The following PRIMA1 variants were observed in gnomAD, a reference collection of about 807,000 sequenced individuals.
The protein encoded by PRIMA1 is proline rich membrane anchor 1.
A neutral mutation model predicts 17.5 loss-of-function variants in PRIMA1; 7 were observed. The ratio of observed to expected loss-of-function variants is 0.40; its 90% confidence interval spans 0.23 to 0.75. The LOEUF is 0.75. PRIMA1 is among the 30% of genes least tolerant of loss of function. The pLI, the probability that PRIMA1 is intolerant of heterozygous loss-of-function variation, is 0.37. For missense variants in PRIMA1, 200 were observed against 201.8 expected, an observed-to-expected ratio of 0.99 and a Z score of 0.05; for synonymous variants, 97 against 77.9, an observed-to-expected ratio of 1.25 and a Z score of -1.29.
intron 3 of PRIMA1, among the ~76,000 whole-genome samples, chr14:93,749,261 C>T (rs530401423): frequency 1.3e-5 from 2 of 152,300 alleles, no homozygotes; most frequent in African/African-American, 4.8e-5. Flanking sequence ...TGAGAAGCAA[C>T]GAGAGGGGGC....
chr14:93,746,407 C>CGGCAGGG (rs910240853), intron 3 of PRIMA1, among the ~76,000 whole-genome samples: 1 of 151,972 alleles, frequency 6.6e-6, no homozygotes, highest in African/African-American at 2.4e-5. Flanking sequence ...GACTGGAATT[C>CGGCAGGG]GGCAGGGAGT....
intron 3 of PRIMA1, among the ~76,000 whole-genome samples, chr14:93,769,268 G>A (rs1380622180): frequency 6.6e-6 from 1 of 152,190 alleles, no homozygotes; most frequent in Non-Finnish European, 1.5e-5. Context: ...TCCAGGGCTG[G>A]GCCAGGACCT....
At chr14:93,758,305 G>A (rs1358180146) in intron 3 of PRIMA1, among the ~76,000 whole-genome samples, 1 of 152,128 alleles carries the variant, frequency 6.6e-6, no homozygotes, top group East Asian at 1.9e-4. Context: ...TTGACATTTG[G>A]CTGGGTGTGG....
intron 3 of PRIMA1, among the ~76,000 whole-genome samples, chr14:93,748,756 G>A (rs1213588093): frequency 6.6e-6 from 1 of 152,124 alleles, no homozygotes. Context: ...CAGATTGGCT[G>A]CTTATCATCA....
At chr14:93,746,887 G>A (rs2076221856) in intron 3 of PRIMA1, among the ~76,000 whole-genome samples, 1 of 152,156 alleles carries the variant, frequency 6.6e-6, no homozygotes, top group South Asian at 2.1e-4. Context: ...GTGGGAGGAG[G>A]AAGCTGTCAC....
intron 3 of PRIMA1, among the ~76,000 whole-genome samples, chr14:93,753,336 C>T (rs1316888888): frequency 1.3e-5 from 2 of 152,202 alleles, no homozygotes; most frequent in Non-Finnish European, 2.9e-5. Context: ...ATTTCCAAGG[C>T]ATCCATAATT....
chr14:93,759,594 C>T (rs917047031), intron 3 of PRIMA1, among the ~76,000 whole-genome samples: 9 of 152,144 alleles, frequency 5.9e-5, no homozygotes, highest in East Asian at 3.9e-4. Context: ...GAGAGCATGA[C>T]GGAGAGGGCT....
At chr14:93,748,091 T>C (rs142153838) in intron 3 of PRIMA1, among the ~76,000 whole-genome samples, 55 of 151,940 alleles carry the variant, frequency 3.6e-4, no homozygotes, top group Non-Finnish European at 4.1e-4. Context: ...TGAGTGCGTA[T>C]GAGTGTGTGA....
At chr14:93,729,788 C>T (rs1363625926) in intron 4 of PRIMA1, among the ~76,000 whole-genome samples, 4 of 152,068 alleles carry the variant, frequency 2.6e-5, no homozygotes, top group East Asian at 1.9e-4. Flanking sequence ...GTGTGTTATG[C>T]GCAGGTGGGA....
intron 3 of PRIMA1, among the ~76,000 whole-genome samples, chr14:93,757,368 G>T (rs1257064813): frequency 6.6e-6 from 1 of 152,254 alleles, no homozygotes; most frequent in Non-Finnish European, 1.5e-5. Flanking sequence ...TGGGAGGGAT[G>T]AGCGGCTCTA....
chr14:93,753,306 CAAG>C (rs1457921203), intron 3 of PRIMA1, among the ~76,000 whole-genome samples: 4 of 152,180 alleles, frequency 2.6e-5, no homozygotes, highest in Non-Finnish European at 4.4e-5. Flanking sequence ...TAACAGGGTC[CAAG>C]AAGAAGCCAA....
At chr14:93,723,941 G>A (rs2076058929) in intron 4 of PRIMA1, among the ~76,000 whole-genome samples, 1 of 152,176 alleles carries the variant, frequency 6.6e-6, no homozygotes, top group African/African-American at 2.4e-5. Context: ...TGCCTAGGCA[G>A]TGGCAACATC....
chr14:93,739,644 C>T (rs1351120788), intron 3 of PRIMA1, among the ~76,000 whole-genome samples: 1 of 152,166 alleles, frequency 6.6e-6, no homozygotes, highest in African/African-American at 2.4e-5. Flanking sequence ...GGAGCAGTTA[C>T]TGATTTGTTG....
chr14:93,723,353 G>A (rs2076054797), intron 4 of PRIMA1, among the ~76,000 whole-genome samples: 1 of 152,156 alleles, frequency 6.6e-6, no homozygotes, highest in Non-Finnish European at 1.5e-5. Flanking sequence ...AGCCTCCCCA[G>A]AGCCACAGTC....
intron 3 of PRIMA1, among the ~76,000 whole-genome samples, chr14:93,739,258 G>T (rs1270798722): frequency 6.6e-6 from 1 of 152,072 alleles, no homozygotes; most frequent in Non-Finnish European, 1.5e-5. Flanking sequence ...CTCCATGTTG[G>T]TCAGGCTGGT....
intron 3 of PRIMA1, among the ~76,000 whole-genome samples, chr14:93,763,217 G>GC (rs1302721768): frequency 5.3e-5 from 8 of 152,148 alleles, no homozygotes; most frequent in East Asian, 1.9e-4. Flanking sequence ...ATAAAAGTCT[G>GC]CCCCCCCAGC....
chr14:93,725,090 G>A (rs2076065659), intron 4 of PRIMA1, among the ~76,000 whole-genome samples: 1 of 151,842 alleles, frequency 6.6e-6, no homozygotes, highest in Non-Finnish European at 1.5e-5. Flanking sequence ...AGCCTGGCAG[G>A]AGGACCCTGG....
At chr14:93,725,600 T>C (rs997840632) in intron 4 of PRIMA1, among the ~76,000 whole-genome samples, 12 of 152,232 alleles carry the variant, frequency 7.9e-5, no homozygotes, top group Non-Finnish European at 1.6e-4. Flanking sequence ...ATAGCCTCTC[T>C]ATGCCTCAGT....
At chr14:93,787,836 G>A in intron 1 of PRIMA1, 87 bp from the exon 2 acceptor site, 1 of 1,446,380 alleles carries the variant, frequency 6.9e-7, no homozygotes, top group Non-Finnish European at 9.2e-7. Flanking sequence ...GCCCGGGTCG[G>A]ACGGGCACGC....
Sources: allele counts gnomAD v4.1 joint callset (sites outside exome capture counted in the v4.1 genomes callset), GRCh38; gene constraint gnomAD v4.1.1; transcripts MANE v1.5; gene names NCBI Gene and HGNC (gene_info 2026-07-23, HGNC 2026-07-21).